Variants in PPM1H observed in about 807,000 individuals in gnomAD.
PPM1H encodes protein phosphatase, Mg2+/Mn2+ dependent 1H.
In PPM1H, 27 loss-of-function variants were observed where a neutral mutation model predicts 54.9. The observed-to-expected ratio is 0.49, with a 90% CI of 0.36 to 0.68. PPM1H has a LOEUF of 0.68. Among genes scored for constraint, PPM1H ranks in the 30% least tolerant of loss-of-function variants. PPM1H has a pLI of 0.00. For missense variants in PPM1H, 596 were observed against 667.8 expected (o/e 0.89, Z 1.19); for synonymous variants, 305 against 270.8 (o/e 1.13, Z -1.24).
At chr12:62,755,334 C>A in intron 4 of PPM1H, 1 of 1,150,696 alleles carries the variant, frequency 8.7e-7, no homozygotes, top group Non-Finnish European at 1.3e-6. Flanking sequence ...ATGACCCCTT[C>A]ATTGACCTCA....
intron 5 of PPM1H, among the ~76,000 whole-genome samples, chr12:62,722,403 C>T (rs2076268741): frequency 1.3e-5 from 2 of 152,170 alleles, no homozygotes; most frequent in Admixed American, 6.5e-5. Flanking sequence ...CAAATGAGAA[C>T]ACTACATCCT....
intron 4 of PPM1H, among the ~76,000 whole-genome samples, chr12:62,742,864 G>A (rs2076389809): frequency 6.6e-6 from 1 of 152,104 alleles, no homozygotes; most frequent in Admixed American, 6.6e-5. Context: ...CAGAGGGGAT[G>A]GGTTTTCAGC....
chr12:62,884,638 G>A (rs1343351418), intron 1 of PPM1H, among the ~76,000 whole-genome samples: 3 of 152,100 alleles, frequency 2.0e-5, no homozygotes, highest in African/African-American at 7.2e-5. Context: ...CAAGACAGTG[G>A]AAAAGCTGGT....
At chr12:62,865,639 G>A (rs987934232) in intron 1 of PPM1H, among the ~76,000 whole-genome samples, 4 of 152,224 alleles carry the variant, frequency 2.6e-5, no homozygotes, top group African/African-American at 9.6e-5. Flanking sequence ...TGGGACTACA[G>A]GCATGTGCCA....
chr12:62,907,275 G>A (rs1294889125), intron 1 of PPM1H, among the ~76,000 whole-genome samples: 3 of 152,184 alleles, frequency 2.0e-5, no homozygotes, highest in African/African-American at 4.8e-5. Flanking sequence ...CACTGCAGAG[G>A]GAGATTCCCA....
chr12:62,898,443 C>T (rs1871062564), intron 1 of PPM1H, among the ~76,000 whole-genome samples: 1 of 152,188 alleles, frequency 6.6e-6, no homozygotes, highest in South Asian at 2.1e-4. Context: ...AGAACAGACA[C>T]CACTCCTGGT....
chr12:62,866,387 C>G (rs926064753), intron 1 of PPM1H, among the ~76,000 whole-genome samples: 1 of 152,194 alleles, frequency 6.6e-6, no homozygotes, highest in East Asian at 1.9e-4. Context: ...CTAATTCCCT[C>G]CCTCCTAAGT....
intron 9 of PPM1H, among the ~76,000 whole-genome samples, chr12:62,653,858 T>C (rs1318766955): frequency 6.6e-6 from 1 of 152,118 alleles, no homozygotes; most frequent in East Asian, 1.9e-4. Flanking sequence ...CAGGAATGTC[T>C]GGCGACCATC....
chr12:62,710,807 T>C (rs908955091), intron 6 of PPM1H, among the ~76,000 whole-genome samples: 1 of 152,182 alleles, frequency 6.6e-6, no homozygotes, highest in African/African-American at 2.4e-5. Context: ...CTCATTACCT[T>C]GCAGAGGCAG....
chr12:62,849,993 G>T (rs1869120137), intron 1 of PPM1H, among the ~76,000 whole-genome samples: 1 of 151,950 alleles, frequency 6.6e-6, no homozygotes, highest in Non-Finnish European at 1.5e-5. Flanking sequence ...CAGGGTCTCA[G>T]TCTGCCACCC....
At chr12:62,826,325 G>A (rs926915377) in intron 2 of PPM1H, among the ~76,000 whole-genome samples, 13 of 152,074 alleles carry the variant, frequency 8.5e-5, no homozygotes, top group South Asian at 4.2e-4. Flanking sequence ...GGTGCTTGCC[G>A]GTAATCCCAG....
At chr12:62,800,330 T>C (rs2076759862) in intron 3 of PPM1H, among the ~76,000 whole-genome samples, 1 of 151,956 alleles carries the variant, frequency 6.6e-6, no homozygotes, top group Admixed American at 6.6e-5. Context: ...TCCAGGTTTT[T>C]TTTTTTTGTT....
chr12:62,840,889 A>G (rs1387392644), intron 1 of PPM1H, among the ~76,000 whole-genome samples: 1 of 152,136 alleles, frequency 6.6e-6, no homozygotes, highest in Non-Finnish European at 1.5e-5. Context: ...CTAGAGGACA[A>G]ATGACAAAGG....
chr12:62,797,651 C>T (rs1305292250), intron 3 of PPM1H, among the ~76,000 whole-genome samples: 1 of 152,112 alleles, frequency 6.6e-6, no homozygotes, highest in Admixed American at 6.5e-5. Flanking sequence ...TCTCAAAAAC[C>T]TAATATTGAG....
Position 62,832,271 on chromosome 12 carries a change from T to C in PPM1H, c.254A>G (p.Asn85Ser). ...PWATGYAEVI[N>S]AGKSTHNEDQ... ...TTCATTGTGTGTGCTCTTCCCGGCA[T>C]TGATAACCCTGGAGAAGAAGCCGGA... Residue 85 changes from asparagine (N) to serine (S), a missense_variant, in exon 2 of 10, where the codon AAT (asparagine) becomes AGT (serine). Physicochemically the swap from Asn to Ser is conservative, Grantham distance 46 (BLOSUM62 1). This residue lies in a region of PPM1H where 382 missense variants were observed against 387.1 expected (regional missense o/e 0.99). Transcript: ENST00000228705. The C allele has an allele frequency of 6.2e-7, 1 of 1,611,050 alleles. No homozygotes were observed. Among genetic ancestry groups the C allele is most frequent in the Non-Finnish European group, 8.5e-7 (1 of 1,178,546 alleles).
intron 6 of PPM1H, among the ~76,000 whole-genome samples, chr12:62,710,937 G>C (rs2076204089): frequency 6.6e-6 from 1 of 152,172 alleles, no homozygotes; most frequent in Admixed American, 6.5e-5. Flanking sequence ...TTATATGCCA[G>C]GCTTTGTTCA....
chr12:62,770,828 C>T (rs905009344), intron 4 of PPM1H, among the ~76,000 whole-genome samples: 5 of 151,932 alleles, frequency 3.3e-5, no homozygotes, highest in Non-Finnish European at 5.9e-5. Context: ...GGAAAGCGTT[C>T]CCACTCTGCG....
chr12:62,765,975 A>C (rs1426287044), intron 4 of PPM1H, among the ~76,000 whole-genome samples: 2 of 152,210 alleles, frequency 1.3e-5, no homozygotes, highest in Non-Finnish European at 2.9e-5. Flanking sequence ...TACATCACTG[A>C]AGGGCTTTCA....
intron 3 of PPM1H, 51 bp from the exon 4 acceptor site, chr12:62,788,389 A>G: frequency 1.7e-6 from 2 of 1,181,102 alleles, no homozygotes; most frequent in Non-Finnish European, 2.5e-6. Context: ...GTGTAGCAAA[A>G]GCTTTCTCAC....
Sources: allele counts gnomAD v4.1 joint callset (sites outside exome capture counted in the v4.1 genomes callset), GRCh38; gene constraint gnomAD v4.1.1; regional missense constraint gnomAD v4.1.1; transcripts MANE v1.5; gene names NCBI Gene and HGNC (gene_info 2026-07-23, HGNC 2026-07-21).